The following FAM135B variants were observed in gnomAD, a reference collection of about 807,000 sequenced individuals.
The protein encoded by FAM135B is protein FAM135B.
FAM135B carries 43 observed loss-of-function variants against 127.7 expected under a neutral mutation model. The ratio of observed to expected loss-of-function variants is 0.34; its 90% CI spans 0.26 to 0.43. FAM135B has a LOEUF of 0.43. Among genes scored for constraint, FAM135B ranks in the 20% least tolerant of loss-of-function variants. The pLI, the probability that FAM135B is intolerant of heterozygous loss-of-function variation, is 1.00. For missense variants in FAM135B, 1,558 were observed against 1,725.6 expected, an observed-to-expected ratio of 0.90 and a Z score of 1.72; for synonymous variants, 670 against 665.1, an observed-to-expected ratio of 1.01 and a Z score of -0.11.
chr8:138,192,857 C>A (rs1166340250), intron 9 of FAM135B, among the ~76,000 whole-genome samples: 1 of 152,200 alleles, frequency 6.6e-6, no homozygotes, highest in Non-Finnish European at 1.5e-5. Flanking sequence ...TCTGTCTAGG[C>A]AGTGGGTAAA....
chr8:138,344,473 T>C (rs12546065), intron 2 of FAM135B, among the ~76,000 whole-genome samples: 86,253 of 151,846 alleles, frequency 0.57, 25,225 homozygotes, highest in Non-Finnish European at 0.65. Flanking sequence ...GCTTGGCTAT[T>C]TCTTAATTAA....
chr8:138,277,796 C>T (rs1178587960), intron 3 of FAM135B, among the ~76,000 whole-genome samples: 2 of 152,180 alleles, frequency 1.3e-5, no homozygotes, highest in Non-Finnish European at 2.9e-5. Flanking sequence ...TGCTCAACAA[C>T]ACTCGGCAGG....
At chr8:138,283,545 T>C (rs1824439052) in intron 3 of FAM135B, among the ~76,000 whole-genome samples, 1 of 152,096 alleles carries the variant, frequency 6.6e-6, no homozygotes, top group African/African-American at 2.4e-5. Flanking sequence ...TATGTGTCAT[T>C]ACATATTTGT....
chr8:138,133,655 G>A (rs79896793), intron 19 of FAM135B, among the ~76,000 whole-genome samples: 571 of 152,336 alleles, frequency 3.7e-3, no homozygotes, highest in African/African-American at 0.01. Flanking sequence ...TACAAAGCCA[G>A]TAGAGCAGTC....
chr8:138,238,584 T>C (rs1372529222), intron 7 of FAM135B, among the ~76,000 whole-genome samples: 10 of 152,200 alleles, frequency 6.6e-5, no homozygotes, highest in African/African-American at 2.2e-4. Context: ...TTTACGCCAA[T>C]CAGCTCGTAT....
chr8:138,427,625 C>T (rs1325145225), intron 1 of FAM135B, among the ~76,000 whole-genome samples: 4 of 152,020 alleles, frequency 2.6e-5, no homozygotes, highest in Non-Finnish European at 4.4e-5. Context: ...CCTGTAAATG[C>T]TATTACATTA....
chr8:138,421,398 T>C (rs570893961), intron 1 of FAM135B, among the ~76,000 whole-genome samples: 4 of 152,282 alleles, frequency 2.6e-5, no homozygotes, highest in Admixed American at 6.5e-5. Flanking sequence ...TAAAATCCCG[T>C]AGTCTCTGTA....
In FAM135B at chr8:138,241,622, G is replaced by A. The variant is rs1360646222; in HGVS notation, c.669+1320C>T. 6.6e-6 allele frequency among the ~76,000 whole-genome samples: 1 copy of A among 152,184 alleles called. No homozygotes were observed. The highest frequency in any genetic ancestry group is 1.9e-4 in the East Asian group (1 of 5,188). On this transcript the variant is annotated intron_variant, in intron 7 of 19. Coordinates refer to ENST00000395297, the MANE Select transcript of FAM135B (RefSeq NM_015912.4). The surrounding 1 kb of genome is among the most constrained non-coding windows in gnomAD (Gnocchi z 4.8). ...ATATTCTGAACAGTCTGTGCACAGA[G>A]CCTGACTGTATAGGAGGATAGAACA...
At chr8:138,135,608 G>A (rs1422917612) in intron 19 of FAM135B, among the ~76,000 whole-genome samples, 1 of 151,862 alleles carries the variant, frequency 6.6e-6, no homozygotes, top group Non-Finnish European at 1.5e-5. Flanking sequence ...ATTTTAGAAG[G>A]GAATTTGGCA....
chr8:138,344,774 A>G (rs1829297730), intron 2 of FAM135B, among the ~76,000 whole-genome samples: 1 of 151,774 alleles, frequency 6.6e-6, no homozygotes, highest in Non-Finnish European at 1.5e-5. Flanking sequence ...ACGGGGTTTC[A>G]CCGTGTTAGC....
rs907446346 is a variant in FAM135B at position 138,241,572 on chromosome 8, G to A, written c.669+1370C>T. The stretch of plus-strand genomic sequence containing the variant: ...AGAGCTAGCAAAGATAACATCACAG[G>A]AGAGCCAGCTGAGTGCATTACCTAA... On this transcript the variant is annotated intron_variant, in intron 7 of 19. Coordinates refer to ENST00000395297, the MANE Select transcript of FAM135B (RefSeq NM_015912.4). This position sits in a 1 kb window ranked among gnomAD's most constrained non-coding sequence, Gnocchi z 4.8. Among the ~76,000 whole-genome samples the A allele has an allele frequency of 6.6e-6, 1 of 152,180 alleles. No individual in the cohort carries two copies. The highest frequency in any genetic ancestry group is 1.5e-5 in the Non-Finnish European group (1 of 68,036).
intron 7 of FAM135B, among the ~76,000 whole-genome samples, chr8:138,240,778 C>A (rs1376266213): frequency 6.6e-6 from 1 of 152,184 alleles, no homozygotes; most frequent in Non-Finnish European, 1.5e-5. Context: ...AGTTGCACAT[C>A]AGAGTCCCTC....
At chr8:138,232,535 C>A (rs1047073843) in intron 7 of FAM135B, among the ~76,000 whole-genome samples, 1 of 152,098 alleles carries the variant, frequency 6.6e-6, no homozygotes, top group Non-Finnish European at 1.5e-5. Flanking sequence ...ACTCAAAGCC[C>A]CCCTTAGTGT....
chr8:138,352,004 T>C (rs1383409769), intron 2 of FAM135B, among the ~76,000 whole-genome samples: 1 of 152,150 alleles, frequency 6.6e-6, no homozygotes, highest in Non-Finnish European at 1.5e-5. Context: ...TATTTTTTTA[T>C]TAACTAAGTA....
At chr8:138,269,602 G>T (rs1487474502) in intron 3 of FAM135B, among the ~76,000 whole-genome samples, 1 of 152,154 alleles carries the variant, frequency 6.6e-6, no homozygotes, top group African/African-American at 2.4e-5. Flanking sequence ...TTAGACTATG[G>T]GTTCCTCAAA....
chr8:138,193,687 G>A (rs1166125000), intron 9 of FAM135B, among the ~76,000 whole-genome samples: 1 of 152,184 alleles, frequency 6.6e-6, no homozygotes, highest in Non-Finnish European at 1.5e-5. Flanking sequence ...GAGGCAGCCC[G>A]AGCCAGCCCT....
intron 3 of FAM135B, among the ~76,000 whole-genome samples, chr8:138,268,287 C>T (rs1037352517): frequency 6.6e-6 from 1 of 152,136 alleles, no homozygotes; most frequent in African/African-American, 2.4e-5. Context: ...CTTCTGAGTA[C>T]TTTCTGTTGA....
chr8:138,225,366 C>T (rs1321622771), intron 7 of FAM135B, among the ~76,000 whole-genome samples: 2 of 151,574 alleles, frequency 1.3e-5, no homozygotes, highest in African/African-American at 4.9e-5. Context: ...GAGCCCTCAC[C>T]AGACACTGGG....
chr8:138,305,144 C>A (rs1826149100), intron 3 of FAM135B, among the ~76,000 whole-genome samples: 1 of 152,210 alleles, frequency 6.6e-6, no homozygotes, highest in African/African-American at 2.4e-5. Flanking sequence ...CCCCCGCCCT[C>A]TACATGGTAA....
Sources: allele counts gnomAD v4.1 joint callset (sites outside exome capture counted in the v4.1 genomes callset), GRCh38; gene constraint gnomAD v4.1.1; non-coding constraint Gnocchi (gnomAD v3.1); transcripts MANE v1.5; gene names NCBI Gene and HGNC (gene_info 2026-07-23, HGNC 2026-07-21).